Variants in PRELID2 observed in about 807,000 individuals in gnomAD.
The protein encoded by PRELID2 is PRELI domain containing 2.
In PRELID2, 25 loss-of-function variants were observed where a neutral mutation model predicts 28.4. That is an observed-to-expected ratio of 0.88 (90% CI 0.64 to 1.23). The LOEUF (loss-of-function observed/expected upper bound fraction) is 1.23, where lower values mean the gene tolerates loss of function less well. Ranked by LOEUF, PRELID2 falls within the 50% of genes most tolerant of loss-of-function variation. PRELID2 has a pLI of 0.00. For synonymous variants in PRELID2, 76 were observed against 71.6 expected (o/e 1.06, Z -0.31); for missense variants, 201 against 214.4 (o/e 0.94, Z 0.39).
At chr5:145,813,116 T>A (rs1403648866) in intron 4 of PRELID2, among the ~76,000 whole-genome samples, 1 of 152,150 alleles carries the variant, frequency 6.6e-6, no homozygotes, top group Non-Finnish European at 1.5e-5. Context: ...TGGTTTCTAG[T>A]CACACACCCA....
At chr5:145,556,859 A>G (rs957830288) in intron 1 of PRELID2, among the ~76,000 whole-genome samples, 6 of 152,056 alleles carry the variant, frequency 3.9e-5, no homozygotes, top group Non-Finnish European at 8.8e-5. Context: ...GTCTCCCTAT[A>G]TGCCTAGGTA....
chr5:145,420,223 T>C, the PRELID2 span, among the ~76,000 whole-genome samples: 100 of 152,324 alleles, frequency 6.6e-4, no homozygotes, highest in South Asian at 3.7e-3. Flanking sequence ...GGCTCTTTTT[T>C]TAGTTCCATA....
the PRELID2 span, among the ~76,000 whole-genome samples, chr5:145,414,905 T>C: frequency 4.6e-5 from 7 of 152,162 alleles, no homozygotes; most frequent in Non-Finnish European, 1.0e-4. Flanking sequence ...ATAAAATAGA[T>C]TTGGAAAATC....
intron 1 of PRELID2, among the ~76,000 whole-genome samples, chr5:145,741,671 A>T (rs1452148583): frequency 0.014 from 49 of 3,594 alleles, 2 homozygotes; most frequent in African/African-American, 0.033. Context: ...TTATATATAA[A>T]TAATTTATAA....
At chr5:145,439,091 C>A in the PRELID2 span, among the ~76,000 whole-genome samples, 1 of 152,114 alleles carries the variant, frequency 6.6e-6, no homozygotes, top group Non-Finnish European at 1.5e-5. Context: ...TTACTTGTGT[C>A]CCCACTTCTG....
chr5:145,343,920 G>T, the PRELID2 span, among the ~76,000 whole-genome samples: 2 of 151,886 alleles, frequency 1.3e-5, no homozygotes, highest in Admixed American at 1.3e-4. Context: ...AGGGGGAATG[G>T]ATAAATTCCT....
chr5:145,653,107 T>G (rs1325922275), intron 1 of PRELID2, among the ~76,000 whole-genome samples: 2 of 152,138 alleles, frequency 1.3e-5, no homozygotes, highest in Non-Finnish European at 2.9e-5. Context: ...AATCCTAGTC[T>G]CTGATAAAAC....
intron 1 of PRELID2, chr5:145,728,763 T>A (rs1756250087): frequency 7.4e-7 from 1 of 1,357,604 alleles, no homozygotes; most frequent in East Asian, 2.3e-5. Flanking sequence ...GGCTTCATTT[T>A]GTTTTGCACC....
the PRELID2 span, among the ~76,000 whole-genome samples, chr5:145,282,461 A>G: frequency 6.6e-6 from 1 of 152,106 alleles, no homozygotes; most frequent in African/African-American, 2.4e-5. Context: ...CTGTTTAACC[A>G]AAGATACAGA....
intron 1 of PRELID2, among the ~76,000 whole-genome samples, chr5:145,603,841 T>A (rs1753454000): frequency 6.6e-6 from 1 of 152,110 alleles, no homozygotes; most frequent in Non-Finnish European, 1.5e-5. Context: ...GAATACAAGT[T>A]ATAATTTCTA....
intron 1 of PRELID2, among the ~76,000 whole-genome samples, chr5:145,625,507 T>C (rs1581010739): frequency 6.6e-6 from 1 of 152,192 alleles, no homozygotes; most frequent in Non-Finnish European, 1.5e-5. Context: ...AAAACTTATT[T>C]ATTCTCTTCA....
chr5:145,518,507 C>T (rs954181795), intron 1 of PRELID2, among the ~76,000 whole-genome samples: 1 of 152,030 alleles, frequency 6.6e-6, no homozygotes, highest in African/African-American at 2.4e-5. Context: ...CATGAGTGCA[C>T]GTTTGTACCT....
At chr5:145,588,472 T>C (rs1753183325) in intron 1 of PRELID2, among the ~76,000 whole-genome samples, 1 of 152,166 alleles carries the variant, frequency 6.6e-6, no homozygotes, top group Admixed American at 6.6e-5. Context: ...TATGAATGAA[T>C]GAATAGACCT....
the PRELID2 span, among the ~76,000 whole-genome samples, chr5:145,377,463 G>T: frequency 2.6e-5 from 4 of 151,288 alleles, no homozygotes; most frequent in Non-Finnish European, 5.9e-5. Flanking sequence ...TGTCAGTGGG[G>T]AATTAAAGTC....
At chr5:145,694,940 T>G (rs1755227158) in intron 1 of PRELID2, among the ~76,000 whole-genome samples, 1 of 152,146 alleles carries the variant, frequency 6.6e-6, no homozygotes, top group African/African-American at 2.4e-5. Context: ...GAAAAGCCCT[T>G]TGAGAAACAC....
At chr5:145,436,633 C>A in the PRELID2 span, among the ~76,000 whole-genome samples, 1 of 152,078 alleles carries the variant, frequency 6.6e-6, no homozygotes, top group African/African-American at 2.4e-5. Flanking sequence ...TAATAATACT[C>A]ATTTGCTTTT....
the PRELID2 span, among the ~76,000 whole-genome samples, chr5:145,387,857 G>A: frequency 6.6e-6 from 1 of 151,506 alleles, no homozygotes; most frequent in Admixed American, 6.6e-5. Context: ...GCTTGAGCCT[G>A]GGAGGTTGCA....
chr5:145,575,177 A>G (rs1260830926), intron 1 of PRELID2, among the ~76,000 whole-genome samples: 1 of 152,142 alleles, frequency 6.6e-6, no homozygotes, highest in African/African-American at 2.4e-5. Flanking sequence ...TAATTCCAGA[A>G]TCGGGGTTTG....
the PRELID2 span, among the ~76,000 whole-genome samples, chr5:145,385,123 C>T: frequency 6.6e-6 from 1 of 152,094 alleles, no homozygotes; most frequent in Non-Finnish European, 1.5e-5. Flanking sequence ...TCAAAACTTA[C>T]TAAATTATAC....
Sources: gnomAD v4.1 joint callset for allele counts (sites outside exome capture counted in the v4.1 genomes callset) on GRCh38, gnomAD v4.1.1 for gene constraint, MANE v1.5 for transcripts, NCBI Gene and HGNC (gene_info 2026-07-23, HGNC 2026-07-21) for gene names.